Variants in EHMT1 observed in about 807,000 individuals in gnomAD.
EHMT1 encodes histone-lysine N-methyltransferase EHMT1.
In EHMT1, 15 loss-of-function variants were observed where a neutral mutation model predicts 147.2. The observed-to-expected ratio is 0.10, with a 90% CI of 0.07 to 0.16. The LOEUF (loss-of-function observed/expected upper bound fraction) is 0.16, where lower values mean the gene tolerates loss of function less well. Ranked by LOEUF, EHMT1 falls within the 10% of genes least tolerant of loss-of-function variation. EHMT1 has a pLI of 1.00. For missense variants in EHMT1, 1,587 were observed against 1,772.4 expected (o/e 0.90, Z 1.88); for synonymous variants, 795 against 709.6 (o/e 1.12, Z -1.91).
intron 1 of EHMT1, among the ~76,000 whole-genome samples, chr9:137,698,938 A>T (rs540327210): frequency 2.2e-4 from 26 of 116,282 alleles, no homozygotes; most frequent in Admixed American, 1.3e-3. Context: ...TTGTTTATTT[A>T]AAAAAAAAAA....
chr9:137,690,120 A>C (rs1332692657), intron 1 of EHMT1, among the ~76,000 whole-genome samples: 1 of 152,164 alleles, frequency 6.6e-6, no homozygotes, highest in Non-Finnish European at 1.5e-5. Context: ...CGTGGGGAAA[A>C]CTGTGAGAGA....
At position 137,712,259 on chromosome 9, in the gene EHMT1, C is replaced by T. The variant is rs143545773; in HGVS notation, c.85+1229C>T. Among the ~76,000 whole-genome samples, 14 of 152,332 alleles carry T rather than the reference C, an allele frequency of 9.2e-5. No individual in the cohort carries two copies. In the South Asian group the frequency reaches 2.3e-3, roughly 25 times the overall value. ...CCTTCCTAGTGGAACTTGTTTCCTA[C>T]GTGACACCAGATGCCACAAGCCCCA... On this transcript the variant is annotated intron_variant, in intron 2 of 26. Coordinates refer to ENST00000460843, the MANE Select transcript of EHMT1 (RefSeq NM_024757.5).
intron 8 of EHMT1, among the ~76,000 whole-genome samples, chr9:137,755,188 A>G (rs1227149884): frequency 6.6e-6 from 1 of 152,222 alleles, no homozygotes; most frequent in African/African-American, 2.4e-5. Context: ...GATCAGTGCC[A>G]TGAGCTCCTC....
intron 1 of EHMT1, among the ~76,000 whole-genome samples, chr9:137,636,361 A>G (rs1305028071): frequency 6.6e-6 from 1 of 152,204 alleles, no homozygotes; most frequent in Non-Finnish European, 1.5e-5. Context: ...ATTTGGGAAT[A>G]GAGTTGTAGT....
Position 137,693,440 on chromosome 9 carries a change from C to T in EHMT1, c.22-17527C>T, listed in dbSNP as rs186267665. Among the ~76,000 whole-genome samples the T allele has an allele frequency of 3.5e-4, 54 of 152,192 alleles. 1 individual carries two copies. The highest frequency in any genetic ancestry group is 3.4e-3 in the Middle Eastern group (1 of 294). On this transcript the variant is annotated intron_variant, in intron 1 of 26. Coordinates refer to ENST00000460843, the MANE Select transcript of EHMT1 (RefSeq NM_024757.5). ...TGTTCCCATTTTACTGCAGAGGAAA[C>T]GGGCACAGAGAGGTTAAGAAACCAA...
chr9:137,666,962 C>T (rs566962103), intron 1 of EHMT1: 2 of 152,308 alleles, frequency 1.3e-5, no homozygotes, highest in African/African-American at 4.8e-5. Context: ...GTTCTAGAAC[C>T]GTATTCTTCG....
At chr9:137,697,298 T>C (rs990959199) in intron 1 of EHMT1, 4 of 206,938 alleles carry the variant, frequency 1.9e-5, no homozygotes, top group South Asian at 1.9e-4. Context: ...AAACAACCAG[T>C]GCAGAGTTTG....
At chr9:137,703,212 G>A (rs892859378) in intron 1 of EHMT1, among the ~76,000 whole-genome samples, 1 of 152,220 alleles carries the variant, frequency 6.6e-6, no homozygotes, top group African/African-American at 2.4e-5. Context: ...AGGCCTCCAG[G>A]CCTGTGATGG....
intron 18 of EHMT1, chr9:137,802,971 G>C (rs1953627678): frequency 3.2e-6 from 4 of 1,232,468 alleles, no homozygotes; most frequent in Non-Finnish European, 4.0e-6. Context: ...GAAGAGAGGA[G>C]GGAAGCAAAG....
Position 137,782,777 on chromosome 9 carries a change from T to G in EHMT1, c.2382+380T>G, listed in dbSNP as rs1184652232. Among the ~76,000 whole-genome samples the G allele has an allele frequency of 1.3e-5, 2 of 152,186 alleles. No individual in the cohort carries two copies. The highest frequency in any genetic ancestry group is 2.9e-5 in the Non-Finnish European group (2 of 68,032). On this transcript the variant is annotated intron_variant, in intron 15 of 26. Transcript: ENST00000460843. The surrounding 1 kb of genome is among the most constrained non-coding windows in gnomAD (Gnocchi z 5.7). ...TTGTTTAGATCAGATCGTGTGAGCATTTTCAAGCTGAACCACGTCGTCTAC... is the reference window on the plus strand; with the variant it reads ...TTGTTTAGATCAGATCGTGTGAGCAGTTTCAAGCTGAACCACGTCGTCTAC...
Position 137,775,580 on chromosome 9 carries a change from G to A in EHMT1, c.1791+328G>A, listed in dbSNP as rs777427133. Among the ~76,000 whole-genome samples, 2 of 151,914 alleles carry A rather than the reference G, an allele frequency of 1.3e-5. No individual in the cohort carries two copies. Among genetic ancestry groups the A allele is most frequent in the South Asian group, 4.1e-4 (2 of 4,822 alleles). The stretch of plus-strand genomic sequence containing the variant: ...GAAGGTGTCTAAGGCACTGGGGCTC[G>A]AGAGCAGTGGTGAGGGGCTTGTGAC... On this transcript the variant is annotated intron_variant, in intron 11 of 26. Coordinates refer to ENST00000460843, the MANE Select transcript of EHMT1 (RefSeq NM_024757.5). This position sits in a 1 kb window ranked among gnomAD's most constrained non-coding sequence, Gnocchi z 6.1.
At chr9:137,690,874 C>A (rs1942874347) in intron 1 of EHMT1, among the ~76,000 whole-genome samples, 2 of 152,312 alleles carry the variant, frequency 1.3e-5, no homozygotes, top group Admixed American at 1.3e-4. Context: ...TAGATAAGCA[C>A]CATGAAGTTA....
Position 137,758,030 on chromosome 9 carries a change from C to T in EHMT1, c.1501+19C>T, listed in dbSNP as rs1316310094. 2 of 1,614,006 alleles carry T rather than the reference C, an allele frequency of 1.2e-6. No homozygotes were observed. Among genetic ancestry groups the T allele is most frequent in the African/African-American group, 2.7e-5 (2 of 75,010 alleles). On this transcript the variant is annotated intron_variant, in intron 9 of 26. Coordinates refer to ENST00000460843, the MANE Select transcript of EHMT1 (RefSeq NM_024757.5). ...GCAGAAGGTGAATGTGGTGGTGTAA[C>T]TTAGACCGGGCACCATCTTGGTCCT...
chr9:137,664,051 T>C (rs913603051), intron 1 of EHMT1, among the ~76,000 whole-genome samples: 2 of 152,164 alleles, frequency 1.3e-5, no homozygotes, highest in African/African-American at 4.8e-5. Context: ...CAATAGAGAA[T>C]TGCTCAACCA....
chr9:137,620,580 C>G (rs1194554033), intron 1 of EHMT1, among the ~76,000 whole-genome samples: 1 of 151,986 alleles, frequency 6.6e-6, no homozygotes, highest in African/African-American at 2.4e-5. Context: ...TTGGTAGAGA[C>G]CGGGGTTTCA....
At chr9:137,764,805 A>C (rs1950106877) in intron 10 of EHMT1, 1 of 152,226 alleles carries the variant, frequency 6.6e-6, no homozygotes, top group South Asian at 2.1e-4. Flanking sequence ...TCTTTCACCC[A>C]GAACATTCTC....
intron 6 of EHMT1, among the ~76,000 whole-genome samples, 163 bp from the exon 7 acceptor site, chr9:137,752,168 A>G (rs1226528133): frequency 2.6e-5 from 4 of 152,230 alleles, no homozygotes; most frequent in Admixed American, 6.5e-5. Context: ...CACACCAGCC[A>G]GGGCTGGAGC....
rs776569237 is a variant in EHMT1 at position 137,817,536 on chromosome 9, CCCTGGGTCACCCCAAG to C, written c.3461+17_3461+32del. On this transcript the variant is annotated intron_variant, in intron 24 of 26. Transcript: ENST00000460843. ...CACCTTTGTCTGCGAGTGAGTGAGTCCCTGGGTCACCCCAAGCCTGGTGTCATTTCTGGGACGGAGG... is the reference window on the plus strand; with the variant it reads ...CACCTTTGTCTGCGAGTGAGTGAGTCCCTGGTGTCATTTCTGGGACGGAGG... 6.2e-7 allele frequency: 1 copy of C among 1,613,996 alleles called. No individual in the cohort carries two copies. The highest frequency in any genetic ancestry group is 8.5e-7 in the Non-Finnish European group (1 of 1,180,008).
intron 1 of EHMT1, among the ~76,000 whole-genome samples, chr9:137,670,581 G>A (rs977889225): frequency 6.6e-6 from 1 of 152,118 alleles, no homozygotes; most frequent in Non-Finnish European, 1.5e-5. Context: ...TCTGCCTTCT[G>A]ACTTCCTCAG....
Sources: allele counts gnomAD v4.1 joint callset (sites outside exome capture counted in the v4.1 genomes callset), GRCh38; gene constraint gnomAD v4.1.1; non-coding constraint Gnocchi (gnomAD v3.1); transcripts MANE v1.5; gene names NCBI Gene and HGNC (gene_info 2026-07-23, HGNC 2026-07-21).